PTPRC: variants seen among roughly 807,000 people sequenced by gnomAD.
PTPRC encodes receptor-type tyrosine-protein phosphatase C.
A neutral mutation model predicts 155.9 loss-of-function variants in PTPRC; 44 were observed. The observed-to-expected ratio is 0.28, with a 90% CI of 0.22 to 0.36. PTPRC has a LOEUF of 0.36. Among genes scored for constraint, PTPRC ranks in the 10% least tolerant of loss-of-function variants. The probability of loss-of-function intolerance (pLI) is 1.00; values close to 1 mark genes in which losing one functional copy is unlikely to be tolerated. For missense variants in PTPRC, 1,401 were observed against 1,564.6 expected, an observed-to-expected ratio of 0.90 and a Z score of 1.76; for synonymous variants, 525 against 533.1, an observed-to-expected ratio of 0.98 and a Z score of 0.21.
At chr1:198,649,279 A>G (rs970247225) in intron 2 of PTPRC, among the ~76,000 whole-genome samples, 2 of 151,656 alleles carry the variant, frequency 1.3e-5, no homozygotes, top group African/African-American at 4.8e-5. Context: ...TGCTTACTAA[A>G]CTCTATGTAT....
At chr1:198,644,319 A>G (rs1013757735) in intron 2 of PTPRC, among the ~76,000 whole-genome samples, 1 of 150,572 alleles carries the variant, frequency 6.6e-6, no homozygotes, top group African/African-American at 2.5e-5. Flanking sequence ...ATACATAAAG[A>G]CCTCACTTTT....
At chr1:198,729,028 C>T in intron 16 of PTPRC, 109 bp from the exon 17 acceptor site, 1 of 1,285,904 alleles carries the variant, frequency 7.8e-7, no homozygotes. Context: ...TTTCTTATCC[C>T]TGACTTCCTT....
chr1:198,671,255 C>G (rs1005981008), intron 2 of PTPRC, among the ~76,000 whole-genome samples: 2 of 152,088 alleles, frequency 1.3e-5, no homozygotes, highest in Non-Finnish European at 2.9e-5. Flanking sequence ...CCCTCACCCC[C>G]CTGTTTCCAA....
intron 15 of PTPRC, among the ~76,000 whole-genome samples, chr1:198,724,728 C>T (rs1654049857): frequency 6.6e-6 from 1 of 151,514 alleles, no homozygotes; most frequent in Non-Finnish European, 1.5e-5. Context: ...CCCAAGTTTT[C>T]CTCCCCTGGA....
At chr1:198,680,314 G>A (rs948076249) in intron 2 of PTPRC, among the ~76,000 whole-genome samples, 2 of 152,082 alleles carry the variant, frequency 1.3e-5, no homozygotes, top group Admixed American at 6.5e-5. Flanking sequence ...TTAGCCGGGT[G>A]TAGTGGCGCA....
chr1:198,754,265 A>G lies in PTPRC; in HGVS notation c.3510-4A>G, dbSNP rs369995880. The G allele has an allele frequency of 5.6e-6, 9 of 1,606,880 alleles. No homozygotes were observed. Among genetic ancestry groups the G allele is most frequent in the Non-Finnish European group, 7.7e-6 (9 of 1,174,112 alleles). On this transcript the variant is annotated splice_polypyrimidine_tract_variant and splice_region_variant and intron_variant, in intron 31 of 32. Coordinates refer to ENST00000442510, the MANE Select transcript of PTPRC (RefSeq NM_002838.5). The stretch of plus-strand genomic sequence containing the variant: ...TTATTTTCTATCTTTTCTTTCTTTT[A>G]TAGGGATGGATCTCAGCAAACGGGA...
intron 2 of PTPRC, among the ~76,000 whole-genome samples, chr1:198,648,784 G>A (rs1285218213): frequency 6.6e-6 from 1 of 151,820 alleles, no homozygotes; most frequent in Admixed American, 6.6e-5. Flanking sequence ...CTGAAAAGGA[G>A]GCTAACAAAG....
At chr1:198,699,460 A>C in intron 4 of PTPRC, 104 bp from the exon 5 acceptor site, 1 of 1,351,758 alleles carries the variant, frequency 7.4e-7, no homozygotes, top group Non-Finnish European at 1.1e-6. Flanking sequence ...GTTACTTCAC[A>C]GTTTGGTAAA....
At chr1:198,652,100 A>G (rs1228594984) in intron 2 of PTPRC, among the ~76,000 whole-genome samples, 1 of 151,882 alleles carries the variant, frequency 6.6e-6, no homozygotes, top group Non-Finnish European at 1.5e-5. Context: ...AGTTGAAAAA[A>G]GGGCGCATCA....
chr1:198,642,479 G>A (rs1464924391), intron 2 of PTPRC, among the ~76,000 whole-genome samples: 2 of 151,326 alleles, frequency 1.3e-5, no homozygotes, highest in Non-Finnish European at 2.9e-5. Context: ...ATTTGGTTAC[G>A]TATCATTGCC....
At position 198,732,370 on chromosome 1, in the gene PTPRC, G is replaced by A; in HGVS notation, c.2045G>A (p.Arg682His). The A allele has an allele frequency of 6.2e-7, 1 of 1,611,908 alleles. No homozygotes were observed. The highest frequency in any genetic ancestry group is 8.5e-7 in the Non-Finnish European group (1 of 1,178,498). ...AAGCCCTTTAACCAGAATAAAAACC[G>A]TTATGTTGACATTCTTCCTTGTGAG... Reference protein sequence around the residue: ...ARKPFNQNKNRYVDILPYDYN... With the variant: ...ARKPFNQNKNHYVDILPYDYN... Residue 682 changes from arginine (R) to histidine (H), a missense_variant, in exon 19 of 33, where the codon CGT becomes CAT. Physicochemically the swap from Arg to His is conservative, Grantham distance 29. Transcript: ENST00000442510.
intron 14 of PTPRC, among the ~76,000 whole-genome samples, chr1:198,720,528 C>G (rs1358415369): frequency 6.6e-6 from 1 of 151,938 alleles, no homozygotes; most frequent in Non-Finnish European, 1.5e-5. Flanking sequence ...CGGGGGTTCA[C>G]CATGTTGGCC....
chr1:198,717,666 CTGAAGA>C (rs1191288453), intron 13 of PTPRC, among the ~76,000 whole-genome samples: 1 of 152,100 alleles, frequency 6.6e-6, no homozygotes, highest in Non-Finnish European at 1.5e-5. Flanking sequence ...GTTTCTGTTC[CTGAAGA>C]ACCCATCTAG....
chr1:198,695,987 C>T (rs12131320), intron 3 of PTPRC, among the ~76,000 whole-genome samples: 11,864 of 151,948 alleles, frequency 0.078, 506 homozygotes, highest in Non-Finnish European at 0.098. Context: ...TGGTGAAACC[C>T]CATCTCTACT....
At chr1:198,644,232 A>G (rs145418947) in intron 2 of PTPRC, among the ~76,000 whole-genome samples, 18 of 152,054 alleles carry the variant, frequency 1.2e-4, no homozygotes, top group Non-Finnish European at 1.6e-4. Context: ...TGTCTAGTCT[A>G]AATATCTTTG....
In PTPRC at chr1:198,741,904, C is replaced by T. The variant is rs1333039415; in HGVS notation, c.2439C>T (p.His813=). The T allele has an allele frequency of 1.9e-6, 3 of 1,611,962 alleles. No individual in the cohort carries two copies. The Admixed American group carries it at 5.0e-5, about 27-fold the overall frequency. ...AAGCAACTGGAAGAGAGGTGACTCACATTCAGTTCACCAGCTGGCCAGACC... is the reference window on the plus strand; with the variant it reads ...AAGCAACTGGAAGAGAGGTGACTCATATTCAGTTCACCAGCTGGCCAGACC... ...KEKATGREVT[H]IQFTSWPDHG... Residue 813 remains histidine, a synonymous_variant, in exon 24 of 33, where the codon CAC becomes CAT. Transcript: ENST00000442510.
chr1:198,741,675 A>G (rs2102513731), intron 23 of PTPRC, among the ~76,000 whole-genome samples, 194 bp from the exon 24 acceptor site: 1 of 151,938 alleles, frequency 6.6e-6, no homozygotes, highest in Admixed American at 6.6e-5. Flanking sequence ...TATCTTAACT[A>G]CTAGTTATTG....
chr1:198,729,317 T>G, intron 17 of PTPRC, 146 bp downstream of exon 17: 1 of 1,055,362 alleles, frequency 9.5e-7, no homozygotes, highest in Admixed American at 3.2e-5. Flanking sequence ...TCTCTGCTTA[T>G]TGCAGCCTCC....
At chr1:198,688,809 G>A (rs1665771211) in intron 2 of PTPRC, among the ~76,000 whole-genome samples, 1 of 152,166 alleles carries the variant, frequency 6.6e-6, no homozygotes, top group Non-Finnish European at 1.5e-5. Flanking sequence ...AGGAAAGGCT[G>A]TAAGGACAAG....
Sources: allele counts gnomAD v4.1 joint callset (sites outside exome capture counted in the v4.1 genomes callset), GRCh38; gene constraint gnomAD v4.1.1; transcripts MANE v1.5; gene names NCBI Gene and HGNC (gene_info 2026-07-23, HGNC 2026-07-21).